LYST: variants seen among roughly 807,000 people sequenced by gnomAD.
LYST encodes lysosomal trafficking regulator.
Under a neutral mutation model 413.6 loss-of-function variants are expected in LYST, and 192 were observed. That is an observed-to-expected ratio of 0.46 (90% CI 0.41 to 0.52). The LOEUF (loss-of-function observed/expected upper bound fraction) is 0.52, where lower values mean the gene tolerates loss of function less well. Ranked by LOEUF, LYST falls within the 20% of genes least tolerant of loss-of-function variation. The probability of loss-of-function intolerance (pLI) is 0.00; values close to 1 mark genes in which losing one functional copy is unlikely to be tolerated. For missense variants in LYST, 3,815 were observed against 4,499.9 expected, an observed-to-expected ratio of 0.85 and a Z score of 4.35; for synonymous variants, 1,525 against 1,567.3, an observed-to-expected ratio of 0.97 and a Z score of 0.64.
intron 24 of LYST, 92 bp downstream of exon 24, chr1:235,757,189 T>G: frequency 1.3e-6 from 1 of 745,944 alleles, no homozygotes; most frequent in Non-Finnish European, 2.2e-6. Context: ...AAGAGAGATT[T>G]AGGTCTACTT....
intron 42 of LYST, chr1:235,712,976 A>G (rs537526266): frequency 6.1e-6 from 6 of 985,442 alleles, no homozygotes; most frequent in Non-Finnish European, 7.2e-6. Context: ...CTTAGGAACC[A>G]TATTGCATCA....
intron 3 of LYST, among the ~76,000 whole-genome samples, chr1:235,819,126 T>C (rs773066249): frequency 6.6e-6 from 1 of 152,222 alleles, no homozygotes; most frequent in African/African-American, 2.4e-5. Context: ...GCTGGAATTG[T>C]AGTCCTGAAG....
At chr1:235,858,773 G>C (rs192814023) in intron 1 of LYST, among the ~76,000 whole-genome samples, 8 of 152,144 alleles carry the variant, frequency 5.3e-5, no homozygotes, top group Non-Finnish European at 8.8e-5. Context: ...TCCAGGTTCA[G>C]TCTACTTGTT....
At chr1:235,877,603 T>C (rs1681196165) in intron 1 of LYST, among the ~76,000 whole-genome samples, 1 of 152,060 alleles carries the variant, frequency 6.6e-6, no homozygotes, top group Admixed American at 6.6e-5. Flanking sequence ...ATGAGGTTTC[T>C]CCATGTTGGT....
intron 50 of LYST, among the ~76,000 whole-genome samples, chr1:235,675,586 A>C (rs1465920575): frequency 6.6e-6 from 1 of 152,164 alleles, no homozygotes; most frequent in African/African-American, 2.4e-5. Context: ...GTGCCAGAAC[A>C]TGGTGCACCC....
chr1:235,863,249 G>A (rs1428958233), intron 1 of LYST, among the ~76,000 whole-genome samples: 5 of 151,784 alleles, frequency 3.3e-5, no homozygotes, highest in South Asian at 2.1e-4. Flanking sequence ...AAAATCAGCC[G>A]GGTGTGGTGG....
At chr1:235,783,150 T>C (rs558270366) in intron 14 of LYST, among the ~76,000 whole-genome samples, 7 of 152,300 alleles carry the variant, frequency 4.6e-5, no homozygotes, top group African/African-American at 1.7e-4. Flanking sequence ...ATTTGTAAGA[T>C]GAAGACAGGA....
chr1:235,735,356 C>T (rs1409380813), intron 31 of LYST: 2 of 152,078 alleles, frequency 1.3e-5, no homozygotes, highest in African/African-American at 4.8e-5. Flanking sequence ...AACTCGCAAA[C>T]CCCACGCAGA....
chr1:235,752,235 C>G, intron 26 of LYST, 64 bp from the exon 27 acceptor site: 1 of 1,208,518 alleles, frequency 8.3e-7, no homozygotes, highest in Non-Finnish European at 1.2e-6. Flanking sequence ...TAATTTAAGA[C>G]ACAGCTAACT....
chr1:235,827,409 A>C, intron 3 of LYST: 1 of 980,852 alleles, frequency 1.0e-6, no homozygotes, highest in Non-Finnish European at 1.2e-6. Context: ...AACGGACTAC[A>C]GTTGGTGGGA....
At chr1:235,845,039 T>C (rs904632652) in intron 1 of LYST, among the ~76,000 whole-genome samples, 5 of 152,038 alleles carry the variant, frequency 3.3e-5, no homozygotes, top group African/African-American at 9.7e-5. Flanking sequence ...GTGGCTTGCA[T>C]TGTGAATTTG....
intron 49 of LYST, 115 bp downstream of exon 49, chr1:235,677,365 G>T: frequency 2.4e-6 from 3 of 1,235,594 alleles, no homozygotes; most frequent in Non-Finnish European, 3.5e-6. Context: ...TTAAGCATGT[G>T]TTTCATGGTT....
intron 8 of LYST, among the ~76,000 whole-genome samples, chr1:235,801,966 C>G (rs113389019): frequency 6.6e-6 from 1 of 151,940 alleles, no homozygotes; most frequent in Non-Finnish European, 1.5e-5. Context: ...GAGGCCGAGG[C>G]GGGTGGATCA....
intron 5 of LYST, 61 bp from the exon 6 acceptor site, chr1:235,806,833 T>A: frequency 9.5e-7 from 1 of 1,055,158 alleles, no homozygotes; most frequent in Non-Finnish European, 1.4e-6. Flanking sequence ...TATAAATAGG[T>A]ACATATAATA....
intron 34 of LYST, among the ~76,000 whole-genome samples, chr1:235,732,075 T>A (rs995287588): frequency 3.9e-5 from 6 of 151,986 alleles, no homozygotes; most frequent in South Asian, 4.1e-4. Flanking sequence ...CTTTTTTTTT[T>A]AAAACGTGCA....
intron 1 of LYST, among the ~76,000 whole-genome samples, chr1:235,851,022 T>C (rs1247325189): frequency 6.6e-6 from 1 of 152,168 alleles, no homozygotes; most frequent in Admixed American, 6.5e-5. Flanking sequence ...ATCCCACTAC[T>C]GGGTATCTAC....
At chr1:235,745,803 G>A (rs1173806067) in intron 29 of LYST, among the ~76,000 whole-genome samples, 3 of 152,138 alleles carry the variant, frequency 2.0e-5, no homozygotes, top group East Asian at 1.9e-4. Context: ...CATACTGTAC[G>A]CTTCCATTTA....
chr1:235,802,854 T>G, intron 8 of LYST, 54 bp downstream of exon 8: 2 of 1,554,260 alleles, frequency 1.3e-6, no homozygotes, highest in Non-Finnish European at 1.8e-6. Context: ...ACCATTTTGC[T>G]ATTTAATGAT....
Position 235,757,470 on chromosome 1 carries a change from A to C in LYST, c.6882-12T>G, listed in dbSNP as rs774628705. 5 of 1,610,238 alleles carry C rather than the reference A, an allele frequency of 3.1e-6. No individual in the cohort carries two copies. Among genetic ancestry groups the C allele is most frequent in the Non-Finnish European group, 4.2e-6 (5 of 1,176,698 alleles). Reference sequence around the variant, plus strand: ...AGTCTTCAGTTACACTAAAACAGAGACCAAAAAAGTCTTACTAACATGACA... The same window carrying C: ...AGTCTTCAGTTACACTAAAACAGAGCCCAAAAAAGTCTTACTAACATGACA... On this transcript the variant is annotated splice_polypyrimidine_tract_variant and intron_variant, in intron 23 of 52. Coordinates refer to ENST00000389793, the MANE Select transcript of LYST (RefSeq NM_000081.4).
Sources: allele counts gnomAD v4.1 joint callset (sites outside exome capture counted in the v4.1 genomes callset), GRCh38; gene constraint gnomAD v4.1.1; transcripts MANE v1.5; gene names NCBI Gene and HGNC (gene_info 2026-07-23, HGNC 2026-07-21).